Variants in ITPR2 observed in about 807,000 individuals in gnomAD.
The protein encoded by ITPR2 is inositol 1,4,5-trisphosphate receptor type 2.
Under a neutral mutation model 317.1 loss-of-function variants are expected in ITPR2, and 207 were observed. The ratio of observed to expected loss-of-function variants is 0.65; its 90% CI spans 0.58 to 0.73. The LOEUF (loss-of-function observed/expected upper bound fraction) is 0.73, where lower values mean the gene tolerates loss of function less well. Among genes scored for constraint, ITPR2 ranks in the 30% least tolerant of loss-of-function variants. The pLI is 0.00. For missense variants in ITPR2, 2,613 were observed against 3,284.0 expected (o/e 0.80, Z 4.99); for synonymous variants, 1,156 against 1,149.1 (o/e 1.01, Z -0.12).
At chr12:26,437,508 C>T (rs1442672015) in intron 47 of ITPR2, among the ~76,000 whole-genome samples, 1 of 152,132 alleles carries the variant, frequency 6.6e-6, no homozygotes, top group Non-Finnish European at 1.5e-5. Flanking sequence ...TAGGAGTCCT[C>T]ATTTTTAAAG....
At position 26,831,868 on chromosome 12, in the gene ITPR2, A is replaced by G. The variant is rs1951114735; in HGVS notation, c.92+822T>C. ...TATATATTATACATAAAATATATAA[A>G]TATATTAATATATATTTCCCTCATT... On this transcript the variant is annotated intron_variant, in intron 1 of 56. Coordinates refer to ENST00000381340, the MANE Select transcript of ITPR2 (RefSeq NM_002223.4). The surrounding 1 kb of genome is among the most constrained non-coding windows in gnomAD (Gnocchi z 4.9). Among the ~76,000 whole-genome samples, 3 of 145,350 alleles carry G rather than the reference A, an allele frequency of 2.1e-5. No individual in the cohort carries two copies. Among genetic ancestry groups the G allele is most frequent in the Admixed American group, 1.4e-4 (2 of 14,212 alleles).
intron 10 of ITPR2, among the ~76,000 whole-genome samples, chr12:26,692,162 CCACAA>C (rs1431020391): frequency 6.6e-6 from 1 of 152,176 alleles, no homozygotes; most frequent in African/African-American, 2.4e-5. Context: ...AGTTATATTT[CCACAA>C]AGTTCCCTGG....
intron 2 of ITPR2, among the ~76,000 whole-genome samples, chr12:26,763,399 CT>C (rs573800521): frequency 2.0e-5 from 3 of 152,034 alleles, no homozygotes; most frequent in South Asian, 4.1e-4. Flanking sequence ...AAAGGTATGA[CT>C]TTTTTTCCCA....
At chr12:26,429,533 C>T (rs1039262745) in intron 48 of ITPR2, among the ~76,000 whole-genome samples, 2 of 152,138 alleles carry the variant, frequency 1.3e-5, no homozygotes, top group African/African-American at 4.8e-5. Context: ...ACTGCCCTGA[C>T]CTCACAGATC....
At chr12:26,385,424 C>T (rs1939637952) in intron 55 of ITPR2, among the ~76,000 whole-genome samples, 2 of 152,154 alleles carry the variant, frequency 1.3e-5, no homozygotes, top group Non-Finnish European at 2.9e-5. Flanking sequence ...CCTCACATAT[C>T]CTCACCCCTA....
At chr12:26,767,579 G>A (rs1345803713) in intron 2 of ITPR2, among the ~76,000 whole-genome samples, 1 of 152,098 alleles carries the variant, frequency 6.6e-6, no homozygotes, top group Non-Finnish European at 1.5e-5. Context: ...TTATCATTTT[G>A]TTATGTATCT....
At chr12:26,465,637 G>A (rs1942153468) in intron 45 of ITPR2, among the ~76,000 whole-genome samples, 1 of 150,632 alleles carries the variant, frequency 6.6e-6, no homozygotes, top group South Asian at 2.1e-4. Context: ...CTCTTGCTCT[G>A]CCATACTCAC....
rs1565762717 is a variant in ITPR2 at position 26,784,356 on chromosome 12, C to CTT, written c.163+5800_163+5801insAA. Among the ~76,000 whole-genome samples the CTT allele has an allele frequency of 2.4e-4, 11 of 45,828 alleles. 1 individual carries two copies. Among genetic ancestry groups the CTT allele is most frequent in the South Asian group, 9.7e-4 (1 of 1,032 alleles). 30.1% of individuals were successfully genotyped at this position (45,828 alleles called of 152,430 possible). On this transcript the variant is annotated intron_variant, in intron 2 of 56. Transcript: ENST00000381340. The stretch of plus-strand genomic sequence containing the variant: ...CCCTCTCCCTCTCCCTCTCCCTCTC[C>CTT]CTCTCCCTCCACGGTCTCCTTCCAC...
chr12:26,387,100 T>C lies in ITPR2; in HGVS notation c.7857+334A>G, dbSNP rs368043111. Among the ~76,000 whole-genome samples, 76 of 152,338 alleles carry C rather than the reference T, an allele frequency of 5.0e-4. No individual in the cohort carries two copies. In the East Asian group the frequency reaches 7.9e-3, roughly 16 times the overall value. The stretch of plus-strand genomic sequence containing the variant: ...CTGTTCATATTTAACAATGGGAAAG[T>C]TCCAGATTTCAGGAAGTGGGACATC... On this transcript the variant is annotated intron_variant, in intron 55 of 56. Transcript: ENST00000381340.
chr12:26,575,790 T>C (rs759018244), intron 34 of ITPR2, among the ~76,000 whole-genome samples: 19 of 152,250 alleles, frequency 1.2e-4, no homozygotes, highest in Admixed American at 2.0e-4. Context: ...ATTCTATGCA[T>C]GAACTGATTG....
chr12:26,515,624 C>G (rs973957778), intron 37 of ITPR2, among the ~76,000 whole-genome samples: 4 of 151,898 alleles, frequency 2.6e-5, no homozygotes, highest in Non-Finnish European at 5.9e-5. Context: ...ATATCAGCAG[C>G]CATCAGGCAG....
chr12:26,567,796 AAG>A (rs1028043100), intron 34 of ITPR2, among the ~76,000 whole-genome samples: 14 of 151,368 alleles, frequency 9.2e-5, no homozygotes, highest in Admixed American at 2.0e-4. Flanking sequence ...AAAAACAAAA[AAG>A]AAAATTATGT....
intron 26 of ITPR2, among the ~76,000 whole-genome samples, chr12:26,605,126 A>ATATATATATATATATATATATATAT (rs373595249): frequency 1.5e-5 from 2 of 136,310 alleles, no homozygotes. Flanking sequence ...AAAAAATAAA[A>ATATATATATATATATATATATATAT]ATATATATAT....
chr12:26,662,197 T>C (rs1009100830), intron 15 of ITPR2, among the ~76,000 whole-genome samples: 3 of 152,188 alleles, frequency 2.0e-5, no homozygotes, highest in African/African-American at 7.2e-5. Context: ...CAAGCAAATC[T>C]TTTTTTCTTC....
At chr12:26,366,582 G>T (rs1018599172) in intron 55 of ITPR2, among the ~76,000 whole-genome samples, 7 of 152,152 alleles carry the variant, frequency 4.6e-5, no homozygotes, top group Admixed American at 3.3e-4. Flanking sequence ...TAAAGAGAAT[G>T]TAAGTTTTAA....
In ITPR2 at chr12:26,824,076, T is replaced by C. The variant is rs547383924; in HGVS notation, c.92+8614A>G. ...GAAAATATTCTTAGTCAAAAATTCA[T>C]TTAATACACCTAACCTACCAAACAA... On this transcript the variant is annotated intron_variant, in intron 1 of 56. Transcript: ENST00000381340. 2.0e-5 allele frequency among the ~76,000 whole-genome samples: 3 copies of C among 152,352 alleles called. No homozygotes were observed. The South Asian group carries it at 6.2e-4, about 32-fold the overall frequency.
At chr12:26,658,184 C>T in intron 16 of ITPR2, 54 bp from the exon 17 acceptor site, 1 of 1,278,928 alleles carries the variant, frequency 7.8e-7, no homozygotes. Flanking sequence ...TTTATAAAAG[C>T]ATCACAATAA....
intron 45 of ITPR2, among the ~76,000 whole-genome samples, chr12:26,467,234 G>T (rs1942189986): frequency 6.6e-6 from 1 of 152,054 alleles, no homozygotes; most frequent in African/African-American, 2.4e-5. Flanking sequence ...ATTAGAAACA[G>T]AATTTTTAAA....
intron 55 of ITPR2, among the ~76,000 whole-genome samples, chr12:26,350,090 T>C (rs1591953602): frequency 6.6e-6 from 1 of 152,156 alleles, no homozygotes; most frequent in African/African-American, 2.4e-5. Flanking sequence ...TACCATGTTA[T>C]GGATGGTCCT....
Sources: allele counts gnomAD v4.1 joint callset (sites outside exome capture counted in the v4.1 genomes callset), GRCh38; gene constraint gnomAD v4.1.1; non-coding constraint Gnocchi (gnomAD v3.1); transcripts MANE v1.5; gene names NCBI Gene and HGNC (gene_info 2026-07-23, HGNC 2026-07-21).